Variants in H3C13 observed in about 807,000 individuals in gnomAD.
The protein encoded by H3C13 is H3 clustered histone 13.
A neutral mutation model predicts 7.3 loss-of-function variants in H3C13; 8 were observed. The observed-to-expected ratio is 1.09, with a 90% confidence interval of 0.64 to 1.97. H3C13 has a LOEUF of 1.97. Ranked by LOEUF, H3C13 falls within the 30% of genes most tolerant of loss-of-function variation. The pLI is 0.00. For missense variants in H3C13, 173 were observed against 196.5 expected, an observed-to-expected ratio of 0.88 and a Z score of 0.72; for synonymous variants, 110 against 90.1, an observed-to-expected ratio of 1.22 and a Z score of -1.25.
In H3C13 at chr1:149,813,331, G is replaced by A. The variant is rs782321626; in HGVS notation, c.351C>T (p.Arg117=). 3 of 1,614,266 alleles carry A rather than the reference G, an allele frequency of 1.9e-6. No individual in the cohort carries two copies. Among genetic ancestry groups the A allele is most frequent in the South Asian group, 2.2e-5 (2 of 91,088 alleles). Residue 117 remains arginine (R), a synonymous_variant, in exon 1 of 1, where the codon CGC becomes CGT. Coordinates refer to ENST00000331491, the MANE Select transcript of H3C13 (RefSeq NM_001123375.3). ...GGATGTCCTTGGGCATGATGGTCACGCGCTTGGCATGGATGGCGCACAGGT... is the reference window on the plus strand; with the variant it reads ...GGATGTCCTTGGGCATGATGGTCACACGCTTGGCATGGATGGCGCACAGGT... ...DTNLCAIHAK[R]VTIMPKDIQL...
In H3C13 at chr1:149,813,443, T is replaced by A. The variant is rs1306412030; in HGVS notation, c.239A>T (p.Lys80Met). 6.2e-7 allele frequency: 1 copy of A among 1,614,082 alleles called. No homozygotes were observed. Among genetic ancestry groups the A allele is most frequent in the Non-Finnish European group, 8.5e-7 (1 of 1,180,028 alleles). Residue 80 changes from lysine (K) to methionine (M), a missense_variant, in exon 1 of 1, where the codon AAG (lysine) becomes ATG (methionine). Physicochemically the swap from Lys to Met is moderately conservative, Grantham distance 95. Transcript: ENST00000331491. ...CGAGCTCTGGAAGCGCAGGTCCGTCTTAAAGTCCTGCGCGATCTCGCGTAC... is the reference window on the plus strand; with the variant it reads ...CGAGCTCTGGAAGCGCAGGTCCGTCATAAAGTCCTGCGCGATCTCGCGTAC... ...RLVREIAQDFKTDLRFQSSAV... is the reference protein window; with the variant it reads ...RLVREIAQDFMTDLRFQSSAV...
In H3C13 at chr1:149,813,229, G is replaced by A. The variant is rs587611143; in HGVS notation, c.*42C>T. On this transcript the variant is annotated 3_prime_UTR_variant, in exon 1 of 1. Coordinates refer to ENST00000331491, the MANE Select transcript of H3C13 (RefSeq NM_001123375.3). ...GCTGCTCTTGATGAAAACGGCAGTG[G>A]CTCTGAAAAGAGCCTTTAGATCGAC... The A allele has an allele frequency of 2.5e-6, 4 of 1,600,554 alleles. No homozygotes were observed. The highest frequency in any genetic ancestry group is 1.3e-5 in the African/African-American group (1 of 74,540).
Position 149,813,418 on chromosome 1 carries a change from C to T in H3C13, c.264G>A (p.Ser88=), listed in dbSNP as rs782028603. Residue 88 remains serine (S), a synonymous_variant, in exon 1 of 1, where the codon TCG becomes TCA. Transcript: ENST00000331491. ...DFKTDLRFQS[S]AVMALQEASE... is the part of the protein sequence containing the mutation. ...TGGCCTCCTGCAGCGCCATCACGGCCGAGCTCTGGAAGCGCAGGTCCGTCT... is the reference window on the plus strand; with the variant it reads ...TGGCCTCCTGCAGCGCCATCACGGCTGAGCTCTGGAAGCGCAGGTCCGTCT... The T allele has an allele frequency of 1.2e-6, 2 of 1,614,122 alleles. No individual in the cohort carries two copies. Among genetic ancestry groups the T allele is most frequent in the Non-Finnish European group, 1.7e-6 (2 of 1,180,052 alleles).
chr1:149,813,501 G>A lies in H3C13; in HGVS notation c.181C>T (p.Leu61=). The A allele has an allele frequency of 6.2e-7, 1 of 1,614,208 alleles. No homozygotes were observed. Among genetic ancestry groups the A allele is most frequent in the South Asian group, 1.1e-5 (1 of 91,084 alleles). ...TGGAAGGGCAGCTTGCGGATCAGCA[G>A]CTCCGTAGACTTCTGGTAGCGCCGG... The part of the protein sequence containing the change: ...EIRRYQKSTE[L]LIRKLPFQRL... Residue 61 remains leucine, a synonymous_variant, in exon 1 of 1, where the codon CTG becomes TTG. Transcript: ENST00000331491.
Position 149,813,643 on chromosome 1 carries a change from G to A in H3C13, c.39C>T (p.Gly13=), listed in dbSNP as rs1300877499. The A allele has an allele frequency of 3.7e-6, 6 of 1,613,606 alleles. No homozygotes were observed. The highest frequency in any genetic ancestry group is 2.2e-5 in the East Asian group (1 of 44,876). The change falls in exon 1 of 1, where the codon GGC becomes GGT. Residue 13 remains glycine (G), a synonymous_variant. Coordinates refer to ENST00000331491, the MANE Select transcript of H3C13 (RefSeq NM_001123375.3). ...RTKQTARKST[G]GKAPRKQLAT... Reference sequence around the variant, plus strand: ...CCAGCTGCTTCCTCGGGGCCTTGCCGCCGGTCGACTTGCGGGCAGTCTGCT... The same window carrying A: ...CCAGCTGCTTCCTCGGGGCCTTGCCACCGGTCGACTTGCGGGCAGTCTGCT...
At position 149,813,670 on chromosome 1, in the gene H3C13, A is replaced by AGTAC; in HGVS notation, c.8_11dup (p.Lys5TyrfsTer2). 6.2e-7 allele frequency: 1 copy of AGTAC among 1,613,692 alleles called. No individual in the cohort carries two copies. The highest frequency in any genetic ancestry group is 8.5e-7 in the Non-Finnish European group (1 of 1,179,782). ...CGGTCGACTTGCGGGCAGTCTGCTT[A>AGTAC]GTACGGGCCATGCTGTCTCATTGAT... On this transcript the variant is annotated frameshift_variant, in exon 1 of 1. Coordinates refer to ENST00000331491, the MANE Select transcript of H3C13 (RefSeq NM_001123375.3). LOFTEE classifies it high-confidence loss of function.
In H3C13 at chr1:149,813,241, G is replaced by A. The variant is rs782627802; in HGVS notation, c.*30C>T. 12 of 1,605,578 alleles carry A rather than the reference G, an allele frequency of 7.5e-6. No individual in the cohort carries two copies. In the Admixed American group the frequency reaches 1.0e-4, roughly 14 times the overall value. ...GAAAACGGCAGTGGCTCTGAAAAGA[G>A]CCTTTAGATCGACCACTTAAAAATA... On this transcript the variant is annotated 3_prime_UTR_variant, in exon 1 of 1. Transcript: ENST00000331491.
rs781806302 is a variant in H3C13, at chr1:149,813,668, T to C, written c.14A>G (p.Lys5Arg). 29 of 1,613,584 alleles carry C rather than the reference T, an allele frequency of 1.8e-5. No homozygotes were observed. Among genetic ancestry groups the C allele is most frequent in the African/African-American group, 1.3e-5 (1 of 74,930 alleles). Residue 5 changes from lysine (K) to arginine (R), a missense_variant, in exon 1 of 1, where the codon AAG becomes AGG. Coordinates refer to ENST00000331491, the MANE Select transcript of H3C13 (RefSeq NM_001123375.3). MART[K>R]QTARKSTGGK... Reference sequence around the variant, plus strand: ...GCCGGTCGACTTGCGGGCAGTCTGCTTAGTACGGGCCATGCTGTCTCATTG... The same window carrying C: ...GCCGGTCGACTTGCGGGCAGTCTGCCTAGTACGGGCCATGCTGTCTCATTG...
Position 149,813,400 on chromosome 1 carries a change from C to T in H3C13, c.282G>A (p.Gln94=), listed in dbSNP as rs782260256. 5 of 1,614,254 alleles carry T rather than the reference C, an allele frequency of 3.1e-6. No homozygotes were observed. The South Asian group carries it at 4.4e-5, about 14-fold the overall frequency. The change falls in exon 1 of 1, where the codon CAG becomes CAA. Residue 94 remains glutamine, a synonymous_variant. Transcript: ENST00000331491. ...RFQSSAVMAL[Q]EASEAYLVGL... ...CCACCAGGTAGGCCTCGCTGGCCTCCTGCAGCGCCATCACGGCCGAGCTCT... is the reference window on the plus strand; with the variant it reads ...CCACCAGGTAGGCCTCGCTGGCCTCTTGCAGCGCCATCACGGCCGAGCTCT...
At position 149,813,260 on chromosome 1, in the gene H3C13, A is replaced by T; in HGVS notation, c.*11T>A. Reference sequence around the variant, plus strand: ...AAAAGAGCCTTTAGATCGACCACTTAAAAATATGCCTTAGGCCCGCTCCCC... The same window carrying T: ...AAAAGAGCCTTTAGATCGACCACTTTAAAATATGCCTTAGGCCCGCTCCCC... On this transcript the variant is annotated 3_prime_UTR_variant, in exon 1 of 1. Transcript: ENST00000331491. 1 of 1,613,872 alleles carries T rather than the reference A, an allele frequency of 6.2e-7. No individual in the cohort carries two copies. The highest frequency in any genetic ancestry group is 8.5e-7 in the Non-Finnish European group (1 of 1,179,918).
At position 149,813,487 on chromosome 1, in the gene H3C13, C is replaced by G. The variant is rs1224131064; in HGVS notation, c.195G>C (p.Lys65Asn). 11 of 1,614,110 alleles carry G rather than the reference C, an allele frequency of 6.8e-6. No individual in the cohort carries two copies. The highest frequency in any genetic ancestry group is 7.6e-6 in the Non-Finnish European group (9 of 1,180,036). The change falls in exon 1 of 1, where the codon AAG becomes AAC. Residue 65 changes from lysine (K) to asparagine (N), a missense_variant. Coordinates refer to ENST00000331491, the MANE Select transcript of H3C13 (RefSeq NM_001123375.3). ...YQKSTELLIR[K>N]LPFQRLVREI... ...CGCGTACCAGCCGCTGGAAGGGCAG[C>G]TTGCGGATCAGCAGCTCCGTAGACT...
chr1:149,813,415 G>C lies in H3C13; in HGVS notation c.267C>G (p.Ala89=), dbSNP rs1553754893. The stretch of plus-strand genomic sequence containing the variant: ...CGCTGGCCTCCTGCAGCGCCATCAC[G>C]GCCGAGCTCTGGAAGCGCAGGTCCG... ...FKTDLRFQSS[A]VMALQEASEA... is the part of the protein sequence containing the mutation. The change falls in exon 1 of 1, where the codon GCC becomes GCG. Residue 89 remains alanine (A), a synonymous_variant. Coordinates refer to ENST00000331491, the MANE Select transcript of H3C13 (RefSeq NM_001123375.3). The C allele has an allele frequency of 5.0e-6, 8 of 1,614,116 alleles. No individual in the cohort carries two copies. The highest frequency in any genetic ancestry group is 6.8e-6 in the Non-Finnish European group (8 of 1,180,056).
At position 149,813,393 on chromosome 1, in the gene H3C13, T is replaced by C; in HGVS notation, c.289A>G (p.Ser97Gly). Reference sequence around the variant, plus strand: ...AACAGCCCCACCAGGTAGGCCTCGCTGGCCTCCTGCAGCGCCATCACGGCC... The same window carrying C: ...AACAGCCCCACCAGGTAGGCCTCGCCGGCCTCCTGCAGCGCCATCACGGCC... ...SSAVMALQEA[S>G]EAYLVGLFED... The change falls in exon 1 of 1, where the codon AGC (serine) becomes GGC (glycine). Residue 97 changes from serine to glycine, a missense_variant. Transcript: ENST00000331491. The C allele has an allele frequency of 6.2e-7, 1 of 1,614,122 alleles. No homozygotes were observed. Among genetic ancestry groups the C allele is most frequent in the Non-Finnish European group, 8.5e-7 (1 of 1,179,904 alleles).
Position 149,813,447 on chromosome 1 carries a change from A to G in H3C13, c.235T>C (p.Phe79Leu), listed in dbSNP as rs1355500465. Residue 79 changes from phenylalanine (F) to leucine (L), a missense_variant, in exon 1 of 1, where the codon TTT becomes CTT. Coordinates refer to ENST00000331491, the MANE Select transcript of H3C13 (RefSeq NM_001123375.3). The part of the protein sequence containing the change: ...QRLVREIAQD[F>L]KTDLRFQSSA... ...CTCTGGAAGCGCAGGTCCGTCTTAA[A>G]GTCCTGCGCGATCTCGCGTACCAGC... 4 of 1,614,078 alleles carry G rather than the reference A, an allele frequency of 2.5e-6. No individual in the cohort carries two copies.
rs368199917 is a variant in H3C13 at position 149,813,646 on chromosome 1, G to C, written c.36C>G (p.Thr12=). 3.1e-6 allele frequency: 5 copies of C among 1,613,638 alleles called. No individual in the cohort carries two copies. The African/African-American group carries it at 5.3e-5, about 17-fold the overall frequency. Residue 12 remains threonine, a synonymous_variant, in exon 1 of 1, where the codon ACC becomes ACG. Coordinates refer to ENST00000331491, the MANE Select transcript of H3C13 (RefSeq NM_001123375.3). ...ARTKQTARKS[T]GGKAPRKQLA... ...GCTGCTTCCTCGGGGCCTTGCCGCC[G>C]GTCGACTTGCGGGCAGTCTGCTTAG...
chr1:149,813,573 T>C lies in H3C13; in HGVS notation c.109A>G (p.Lys37Glu). 2 of 1,613,544 alleles carry C rather than the reference T, an allele frequency of 1.2e-6. No homozygotes were observed. Among genetic ancestry groups the C allele is most frequent in the Non-Finnish European group, 1.7e-6 (2 of 1,179,648 alleles). ...CCGGGCCGGTAGCGGTGCGGCTTCT[T>C]CACCCCGCCCGTGGCCGGCGCGCTC... Reference protein sequence around the residue: ...RKSAPATGGVKKPHRYRPGTV... With the variant: ...RKSAPATGGVEKPHRYRPGTV... The change falls in exon 1 of 1, where the codon AAG (lysine) becomes GAG (glutamate). Residue 37 changes from lysine to glutamate, a missense_variant. Transcript: ENST00000331491.
chr1:149,813,349 GCA>G lies in H3C13; in HGVS notation c.331_332del (p.Cys111ArgfsTer35), dbSNP rs2092007424. The G allele has an allele frequency of 6.2e-7, 1 of 1,614,168 alleles. No individual in the cohort carries two copies. The highest frequency in any genetic ancestry group is 8.5e-7 in the Non-Finnish European group (1 of 1,180,056). On this transcript the variant is annotated frameshift_variant, in exon 1 of 1. Coordinates refer to ENST00000331491, the MANE Select transcript of H3C13 (RefSeq NM_001123375.3). LOFTEE classifies it high-confidence loss of function. Reference sequence around the variant, plus strand: ...TGGTCACGCGCTTGGCATGGATGGCGCACAGGTTCGTGTCTTCGAACAGCCCC... The same window carrying G: ...TGGTCACGCGCTTGGCATGGATGGCGCAGGTTCGTGTCTTCGAACAGCCCC... The part of the protein sequence containing the change: ...LVGLFEDTNL[C>X]AIHAKRVTIM...
rs782300082 is a variant in H3C13, at chr1:149,813,690, A to C, written c.-9T>G. 2 of 1,613,308 alleles carry C rather than the reference A, an allele frequency of 1.2e-6. No individual in the cohort carries two copies. The highest frequency in any genetic ancestry group is 2.7e-5 in the African/African-American group (2 of 74,916). On this transcript the variant is annotated 5_prime_UTR_variant, in exon 1 of 1. An upstream start codon of the reference 5' UTR is lost. Transcript: ENST00000331491. The stretch of plus-strand genomic sequence containing the variant: ...TGCTTAGTACGGGCCATGCTGTCTC[A>C]TTGATAGGAGAGGGTCTAGGCAGTC...
Position 149,813,481 on chromosome 1 carries a change from GGGCAGCTTGCGGATC to G in H3C13, c.186_200del (p.Ile63_Pro67del). 6.2e-7 allele frequency: 1 copy of G among 1,614,220 alleles called. No individual in the cohort carries two copies. Among genetic ancestry groups the G allele is most frequent in the Non-Finnish European group, 8.5e-7 (1 of 1,180,030 alleles). ...CGATCTCGCGTACCAGCCGCTGGAA[GGGCAGCTTGCGGATC>G]AGCAGCTCCGTAGACTTCTGGTAGC... On this transcript the variant is annotated inframe_deletion, in exon 1 of 1. Transcript: ENST00000331491.
Sources: gnomAD v4.1 joint callset for allele counts on GRCh38, gnomAD v4.1.1 for gene constraint, MANE v1.5 for transcripts, NCBI Gene and HGNC (gene_info 2026-07-23, HGNC 2026-07-21) for gene names.